MUCL1: variants seen among roughly 807,000 people sequenced by gnomAD.
The protein encoded by MUCL1 is mucin like 1.
A neutral mutation model predicts 9.2 loss-of-function variants in MUCL1; 11 were observed. The observed-to-expected ratio is 1.19, with a 90% CI of 0.75 to 1.97. MUCL1 has a LOEUF of 1.97. MUCL1 is among the 30% of genes most tolerant of loss of function. The pLI is 0.00. For missense variants in MUCL1, 144 were observed against 110.9 expected, an observed-to-expected ratio of 1.30 and a Z score of -1.34; for synonymous variants, 48 against 40.5, an observed-to-expected ratio of 1.19 and a Z score of -0.71.
chr12:54,832,804 G>T (rs562590675), intron 1 of MUCL1, among the ~76,000 whole-genome samples: 1 of 152,022 alleles, frequency 6.6e-6, no homozygotes, highest in South Asian at 2.1e-4. Flanking sequence ...AATAAGAAGT[G>T]ATGCTTAACC....
chr12:54,849,921 A>C (rs1016959682), upstream of MUCL1, among the ~76,000 whole-genome samples: 1 of 152,164 alleles, frequency 6.6e-6, no homozygotes, highest in African/African-American at 2.4e-5. Flanking sequence ...GGGCTCCCCT[A>C]CACCCTGAGC....
chr12:54,833,272 TGAG>T (rs1449411903), intron 1 of MUCL1, among the ~76,000 whole-genome samples: 1 of 152,160 alleles, frequency 6.6e-6, no homozygotes, highest in Non-Finnish European at 1.5e-5. Context: ...TAGAATTATA[TGAG>T]GAGAACTGGA....
chr12:54,831,208 C>G (rs1385450787), intron 1 of MUCL1, among the ~76,000 whole-genome samples: 12 of 151,974 alleles, frequency 7.9e-5, no homozygotes, highest in Admixed American at 7.9e-4. Context: ...TTTTTCTACT[C>G]CCAAATGGTA....
At chr12:54,848,831 G>T (rs962263983) in intron 1 of MUCL1, among the ~76,000 whole-genome samples, 1 of 152,076 alleles carries the variant, frequency 6.6e-6, no homozygotes, top group Admixed American at 6.5e-5. Flanking sequence ...TTAATTTTTA[G>T]AACTCTTTGA....
At chr12:54,850,395 T>C (rs1222574930), upstream of MUCL1, among the ~76,000 whole-genome samples, 1 of 148,626 alleles carries the variant, frequency 6.7e-6, no homozygotes, top group Non-Finnish European at 1.5e-5. Flanking sequence ...CACCTATGAG[T>C]GAGAACACAC....
chr12:54,842,887 A>C (rs1959219481), intron 1 of MUCL1, among the ~76,000 whole-genome samples: 1 of 152,176 alleles, frequency 6.6e-6, no homozygotes, highest in South Asian at 2.1e-4. Flanking sequence ...AACAGATTAC[A>C]TACAGGATGG....
chr12:54,848,359 T>A (rs753361984), intron 1 of MUCL1, among the ~76,000 whole-genome samples: 61 of 152,196 alleles, frequency 4.0e-4, no homozygotes, highest in Non-Finnish European at 7.9e-4. Flanking sequence ...TGGGGATTAA[T>A]AATAGATATG....
rs1222876211 is a variant in MUCL1 at position 54,857,009 on chromosome 12, C to T, written c.223+117C>T. On this transcript the variant is annotated intron_variant, in intron 3 of 3. Coordinates refer to ENST00000308796, the MANE Select transcript of MUCL1 (RefSeq NM_058173.3). ...AGGGAGACCTCTTCTTTACATTGTT[C>T]TCTAAATCCTTGTAGTTTCTAAGTC... is the stretch of plus-strand genomic sequence containing the variant. 13 of 1,432,676 alleles carry T rather than the reference C, an allele frequency of 9.1e-6. No homozygotes were observed. In the South Asian group the frequency reaches 9.6e-5, roughly 11 times the overall value. 88.7% of individuals were successfully genotyped at this position (1,432,676 alleles called of 1,614,324 possible). A position where few individuals can be genotyped will look rare whatever the true frequency, so the allele number is the denominator to read the frequency against.
At chr12:54,845,924 C>G (rs551737219) in intron 1 of MUCL1, among the ~76,000 whole-genome samples, 89 of 152,234 alleles carry the variant, frequency 5.8e-4, no homozygotes, top group African/African-American at 2.1e-3. Context: ...CTGTTTTTCT[C>G]CAGTACACAA....
intron 1 of MUCL1, among the ~76,000 whole-genome samples, chr12:54,842,297 T>A (rs1330184348): frequency 2.6e-5 from 4 of 152,018 alleles, no homozygotes; most frequent in Admixed American, 6.6e-5. Context: ...TATATATATA[T>A]AAATACAATT....
At chr12:54,845,334 A>T (rs1959239662) in intron 1 of MUCL1, among the ~76,000 whole-genome samples, 1 of 152,152 alleles carries the variant, frequency 6.6e-6, no homozygotes, top group African/African-American at 2.4e-5. Flanking sequence ...ACTGGCAAGG[A>T]GACAGGAGGT....
intron 1 of MUCL1, among the ~76,000 whole-genome samples, chr12:54,833,640 C>G (rs1959188384): frequency 6.6e-6 from 1 of 151,962 alleles, no homozygotes; most frequent in South Asian, 2.1e-4. Context: ...ACTATGCAGC[C>G]ATAAAAAATG....
intron 1 of MUCL1, among the ~76,000 whole-genome samples, chr12:54,833,235 A>T (rs74092237): frequency 0.069 from 10,490 of 152,110 alleles, 787 homozygotes; most frequent in African/African-American, 0.19. Flanking sequence ...ACCTTTTGAA[A>T]TTTTGTTGAG....
chr12:54,844,045 G>C (rs924385541), intron 1 of MUCL1, among the ~76,000 whole-genome samples: 2 of 151,940 alleles, frequency 1.3e-5, no homozygotes, highest in Non-Finnish European at 2.9e-5. Context: ...TTGCTTTTAT[G>C]GTCATGGTAA....
At chr12:54,842,874 A>G (rs1157269444) in intron 1 of MUCL1, among the ~76,000 whole-genome samples, 2 of 152,112 alleles carry the variant, frequency 1.3e-5, no homozygotes, top group Admixed American at 6.5e-5. Context: ...TGCTTTGGTC[A>G]GCAACAGATT....
At chr12:54,838,377 G>A (rs990436115), upstream of MUCL1, among the ~76,000 whole-genome samples, 4 of 152,104 alleles carry the variant, frequency 2.6e-5, no homozygotes, top group African/African-American at 9.7e-5. Context: ...CCTTCACATT[G>A]ACTTTAGATG....
chr12:54,833,077 A>G (rs1009178249), intron 1 of MUCL1, among the ~76,000 whole-genome samples: 7 of 152,066 alleles, frequency 4.6e-5, no homozygotes, highest in Non-Finnish European at 8.8e-5. Context: ...TTAATTTTTG[A>G]TATCTAGAAG....
At chr12:54,839,304 G>A, upstream of MUCL1, 1 of 693,830 alleles carries the variant, frequency 1.4e-6, no homozygotes, top group African/African-American at 1.8e-5. Flanking sequence ...GGGGTGTCTT[G>A]AAGCTTATCT....
At chr12:54,857,745 A>G (rs972799730) in intron 3 of MUCL1, among the ~76,000 whole-genome samples, 3 of 152,172 alleles carry the variant, frequency 2.0e-5, no homozygotes, top group African/African-American at 4.8e-5. Context: ...GGCAGAAAGA[A>G]AAAGGATTCA....
Sources: gnomAD v4.1 joint callset for allele counts (sites outside exome capture counted in the v4.1 genomes callset) on GRCh38, gnomAD v4.1.1 for gene constraint, MANE v1.5 for transcripts, NCBI Gene and HGNC (gene_info 2026-07-23, HGNC 2026-07-21) for gene names.